The following DYNC2H1 variants were observed in gnomAD, a reference collection of about 807,000 sequenced individuals.
DYNC2H1 encodes the protein cytoplasmic dynein 2 heavy chain 1.
Under a neutral mutation model 570.0 loss-of-function variants are expected in DYNC2H1, and 410 were observed. The observed-to-expected ratio is 0.72, with a 90% CI of 0.66 to 0.78. The LOEUF (loss-of-function observed/expected upper bound fraction) is 0.78. Ranked by LOEUF, DYNC2H1 falls within the 30% of genes least tolerant of loss-of-function variation. The probability of loss-of-function intolerance (pLI) is 0.00; values close to 1 mark genes in which losing one functional copy is unlikely to be tolerated. For synonymous variants in DYNC2H1, 1,688 were observed against 1,677.6 expected, an observed-to-expected ratio of 1.01 and a Z score of -0.15; for missense variants, 4,865 against 5,046.4, an observed-to-expected ratio of 0.96 and a Z score of 1.09.
At chr11:103,293,168 A>G (rs1866682005) in intron 75 of DYNC2H1, among the ~76,000 whole-genome samples, 1 of 151,976 alleles carries the variant, frequency 6.6e-6, no homozygotes. Context: ...TTTATGTTTG[A>G]AGAATGATGT....
intron 83 of DYNC2H1, among the ~76,000 whole-genome samples, chr11:103,389,184 G>C (rs1942026446): frequency 6.6e-6 from 1 of 152,186 alleles, no homozygotes; most frequent in African/African-American, 2.4e-5. Flanking sequence ...TTCAGATGCT[G>C]TTATTGATCT....
At chr11:103,309,267 T>A (rs1482490440) in intron 78 of DYNC2H1, among the ~76,000 whole-genome samples, 1 of 147,044 alleles carries the variant, frequency 6.8e-6, no homozygotes, top group Non-Finnish European at 1.5e-5. Flanking sequence ...CTCGACCTGC[T>A]GGGCTCAAGC....
Position 103,157,270 on chromosome 11 carries a change from A to G in DYNC2H1, c.4127+500A>G, listed in dbSNP as rs1474809352. Among the ~76,000 whole-genome samples the G allele has an allele frequency of 1.3e-5, 2 of 152,122 alleles. No homozygotes were observed. The highest frequency in any genetic ancestry group is 4.8e-5 in the African/African-American group (2 of 41,430). ...TCGATTTTTTTCTCACTGTATTCTC[A>G]GGTAATCTTAACCACTGCCAGCATC... On this transcript the variant is annotated intron_variant, in intron 26 of 88. Transcript: ENST00000375735. The surrounding 1 kb of genome is among the most constrained non-coding windows in gnomAD (Gnocchi z 4.2).
In DYNC2H1 at chr11:103,151,081, GACTAGGAA is replaced by G. The variant is rs1212092406; in HGVS notation, c.2947-1050_2947-1043del. On this transcript the variant is annotated intron_variant, in intron 20 of 88. Transcript: ENST00000375735. This position sits in a 1 kb window ranked among gnomAD's most constrained non-coding sequence, Gnocchi z 4.6. Reference sequence around the variant, plus strand: ...TGAGGGGTAGGACTGGAGGTAGGTAGACTAGGAAACTATTGTGATATGTTTTACAGGCT... The same window carrying G: ...TGAGGGGTAGGACTGGAGGTAGGTAGACTATTGTGATATGTTTTACAGGCT... Among the ~76,000 whole-genome samples the G allele has an allele frequency of 3.3e-5, 5 of 152,078 alleles. No individual in the cohort carries two copies. Among genetic ancestry groups the G allele is most frequent in the Non-Finnish European group, 7.4e-5 (5 of 68,022 alleles).
rs368776328 is a variant in DYNC2H1, at chr11:103,174,036, T to C, written c.5559-19T>C. 31 of 1,539,932 alleles carry C rather than the reference T, an allele frequency of 2.0e-5. 1 individual carries two copies. Among genetic ancestry groups the C allele is most frequent in the East Asian group, 1.4e-4 (6 of 42,468 alleles). On this transcript the variant is annotated intron_variant, in intron 35 of 88. Coordinates refer to ENST00000375735, the MANE Select transcript of DYNC2H1 (RefSeq NM_001377.3). ...TCTTCTAGCTATTTGATGTGTTGATTTCCATGTCTCTATTTCAGGGAACTT... is the reference window on the plus strand; with the variant it reads ...TCTTCTAGCTATTTGATGTGTTGATCTCCATGTCTCTATTTCAGGGAACTT...
At chr11:103,266,734 T>A (rs1865520633) in intron 70 of DYNC2H1, among the ~76,000 whole-genome samples, 1 of 152,146 alleles carries the variant, frequency 6.6e-6, no homozygotes, top group Non-Finnish European at 1.5e-5. Flanking sequence ...ACAGCTCTGC[T>A]GGAGCTGTCT....
intron 84 of DYNC2H1, among the ~76,000 whole-genome samples, chr11:103,426,916 T>G (rs1450011816): frequency 6.6e-6 from 1 of 152,224 alleles, no homozygotes. Flanking sequence ...TTTGCATTAG[T>G]AGTTATGTTT....
chr11:103,236,399 T>C (rs776119144), intron 62 of DYNC2H1, 31 bp from the exon 63 acceptor site: 1 of 1,229,664 alleles, frequency 8.1e-7, no homozygotes, highest in Non-Finnish European at 1.2e-6. Flanking sequence ...AAGATCGTTG[T>C]GAAGTATTAT....
Position 103,179,173 on chromosome 11 carries a change from C to T in DYNC2H1, c.6287C>T (p.Thr2096Ile). Residue 2096 changes from threonine to isoleucine, a missense_variant, in exon 39 of 89, where the codon ACT (threonine) becomes ATT (isoleucine). By Grantham distance (89) the Thr-to-Ile change is moderately conservative (BLOSUM62 -1). Transcript: ENST00000375735. The stretch of plus-strand genomic sequence containing the variant: ...CCAAATGTTAACTTTGTATTTGAAA[C>T]TCATGATTTAAGTTGTGCATCACCA... Reference protein sequence around the residue: ...FGPNVNFVFETHDLSCASPAT... With the variant: ...FGPNVNFVFEIHDLSCASPAT... 6.2e-7 allele frequency: 1 copy of T among 1,613,040 alleles called. No homozygotes were observed. The highest frequency in any genetic ancestry group is 8.5e-7 in the Non-Finnish European group (1 of 1,179,310).
At chr11:103,341,390 A>C (rs1348398714) in intron 82 of DYNC2H1, among the ~76,000 whole-genome samples, 1 of 152,240 alleles carries the variant, frequency 6.6e-6, no homozygotes, top group East Asian at 1.9e-4. Context: ...TATTTAAAGT[A>C]ATCCTTAAAC....
In DYNC2H1 at chr11:103,116,570, G is replaced by C. The variant is rs770269329; in HGVS notation, c.622G>C (p.Glu208Gln). ...FKELFETIAREFYNLDSLSLL... is the reference protein window; with the variant it reads ...FKELFETIARQFYNLDSLSLL... ...TAAAAATTAATGCATTTTTTTCTAG[G>C]AGTTTTATAACTTGGACAGTCTATC... is the stretch of plus-strand genomic sequence containing the variant. Residue 208 changes from glutamate to glutamine, a missense_variant and splice_region_variant, in exon 5 of 89, where the codon GAG becomes CAG. Around this residue, in one of 5 missense-constraint regions of DYNC2H1, gnomAD observed 1,936 missense variants for 1,962.1 expected, o/e 0.99. Transcript: ENST00000375735. 3 of 1,566,086 alleles carry C rather than the reference G, an allele frequency of 1.9e-6. No individual in the cohort carries two copies. Among genetic ancestry groups the C allele is most frequent in the Non-Finnish European group, 2.6e-6 (3 of 1,157,846 alleles).
At chr11:103,293,094 T>G (rs977157579) in intron 75 of DYNC2H1, among the ~76,000 whole-genome samples, 1 of 152,226 alleles carries the variant, frequency 6.6e-6, no homozygotes, top group African/African-American at 2.4e-5. Flanking sequence ...AGAATTCCCT[T>G]TATAGTTCTG....
intron 82 of DYNC2H1, among the ~76,000 whole-genome samples, chr11:103,350,385 T>C (rs1939989002): frequency 6.6e-6 from 1 of 152,198 alleles, no homozygotes; most frequent in Non-Finnish European, 1.5e-5. Context: ...TTTATAATTC[T>C]TAGACATTTA....
chr11:103,154,678 T>A lies in DYNC2H1; in HGVS notation c.3459-17T>A, dbSNP rs1489621593. ...TTTTGGATGTAATCTTTGCAATGTG[T>A]TTTTGGTATTTTATAGGACTAAGAC... On this transcript the variant is annotated splice_polypyrimidine_tract_variant and intron_variant, in intron 23 of 88. Transcript: ENST00000375735. 1.3e-6 allele frequency: 2 copies of A among 1,564,434 alleles called. No individual in the cohort carries two copies. Among genetic ancestry groups the A allele is most frequent in the Non-Finnish European group, 1.7e-6 (2 of 1,155,576 alleles).
At chr11:103,160,701 A>G (rs1861054835) in intron 28 of DYNC2H1, among the ~76,000 whole-genome samples, 1 of 152,048 alleles carries the variant, frequency 6.6e-6, no homozygotes, top group Non-Finnish European at 1.5e-5. Context: ...ATATAGATAG[A>G]TATTGATAAG....
rs1866091907 is a variant in DYNC2H1 at position 103,280,611 on chromosome 11, G to T, written c.10761+198G>T. On this transcript the variant is annotated intron_variant, in intron 71 of 88. Coordinates refer to ENST00000375735, the MANE Select transcript of DYNC2H1 (RefSeq NM_001377.3). The surrounding 1 kb of genome is among the most constrained non-coding windows in gnomAD (Gnocchi z 4.7). The stretch of plus-strand genomic sequence containing the variant: ...GATGAGCCTAACATTCCAGAGTGAT[G>T]GTAAAGCAGGGAAAGAAATCTACAA... 6.6e-6 allele frequency among the ~76,000 whole-genome samples: 1 copy of T among 152,074 alleles called. No individual in the cohort carries two copies. The highest frequency in any genetic ancestry group is 6.6e-5 in the Admixed American group (1 of 15,258).
intron 77 of DYNC2H1, 40 bp downstream of exon 77, chr11:103,304,760 CAACTT>C (rs759432725): frequency 1.3e-6 from 2 of 1,573,166 alleles, no homozygotes; most frequent in Non-Finnish European, 8.6e-7. Flanking sequence ...CTATTATACT[CAACTT>C]AGCAATCTCC....
Position 103,286,255 on chromosome 11 carries a change from A to G in DYNC2H1, c.10891A>G (p.Ile3631Val), listed in dbSNP as rs1487363665. Residue 3631 changes from isoleucine (I) to valine (V), a missense_variant and splice_region_variant, in exon 74 of 89, where the codon ATT becomes GTT. Ile to Val is a conservative substitution (Grantham distance 29). Transcript: ENST00000375735. ...GTATATGGCCATTTTTATTTTTTAGATTGCTCTCCCCAGTCTTTATCAGAC... is the reference window on the plus strand; with the variant it reads ...GTATATGGCCATTTTTATTTTTTAGGTTGCTCTCCCCAGTCTTTATCAGAC... ...ERSWAVATLK[I>V]ALPSLYQTLC... is the part of the protein sequence containing the mutation. 13 of 1,612,374 alleles carry G rather than the reference A, an allele frequency of 8.1e-6. No homozygotes were observed. The highest frequency in any genetic ancestry group is 1.0e-5 in the Non-Finnish European group (12 of 1,179,530).
intron 79 of DYNC2H1, among the ~76,000 whole-genome samples, chr11:103,312,672 A>ATCT (rs142841053): frequency 0.17 from 26,229 of 151,966 alleles, 2,437 homozygotes; most frequent in Admixed American, 0.26. Context: ...TTTTCTGCTA[A>ATCT]TCTAGACTGT....
Sources: allele counts gnomAD v4.1 joint callset (sites outside exome capture counted in the v4.1 genomes callset), GRCh38; gene constraint gnomAD v4.1.1; regional missense constraint gnomAD v4.1.1; non-coding constraint Gnocchi (gnomAD v3.1); transcripts MANE v1.5; gene names NCBI Gene and HGNC (gene_info 2026-07-23, HGNC 2026-07-21).